The following PTPRT variants were observed in gnomAD, a reference collection of about 807,000 sequenced individuals.
PTPRT encodes protein tyrosine phosphatase receptor type T, also known as receptor-type tyrosine-protein phosphatase T.
PTPRT carries 56 observed loss-of-function variants against 176.8 expected under a neutral mutation model. The observed-to-expected ratio is 0.32, with a 90% CI of 0.26 to 0.40. PTPRT has a LOEUF of 0.40. Ranked by LOEUF, PTPRT falls within the 10% of genes least tolerant of loss-of-function variation. The pLI is 1.00. For synonymous variants in PTPRT, 783 were observed against 739.0 expected (o/e 1.06, Z -0.96); for missense variants, 1,540 against 1,908.2 (o/e 0.81, Z 3.60).
At chr20:42,254,932 T>C (rs1010003984) in intron 13 of PTPRT, among the ~76,000 whole-genome samples, 5 of 152,178 alleles carry the variant, frequency 3.3e-5, no homozygotes, top group African/African-American at 9.7e-5. Context: ...GTAATACTCA[T>C]ACTCTTGGTG....
intron 1 of PTPRT, among the ~76,000 whole-genome samples, chr20:42,922,609 C>G (rs552702386): frequency 2.0e-4 from 30 of 152,278 alleles, no homozygotes; most frequent in African/African-American, 6.0e-4. Context: ...TTAGTCTTGC[C>G]CACACCACTA....
At chr20:43,156,273 T>C (rs564420549) in intron 1 of PTPRT, among the ~76,000 whole-genome samples, 43 of 152,208 alleles carry the variant, frequency 2.8e-4, no homozygotes, top group Non-Finnish European at 4.4e-4. Flanking sequence ...TAACAGAACC[T>C]CAGAATTAGG....
At chr20:42,679,859 T>A (rs1402293475) in intron 6 of PTPRT, among the ~76,000 whole-genome samples, 2 of 152,208 alleles carry the variant, frequency 1.3e-5, no homozygotes, top group Non-Finnish European at 2.9e-5. Context: ...AATGCTGCAA[T>A]GAACATCTTT....
At chr20:43,117,481 T>C (rs769121796) in intron 1 of PTPRT, among the ~76,000 whole-genome samples, 3 of 152,042 alleles carry the variant, frequency 2.0e-5, no homozygotes, top group African/African-American at 4.8e-5. Flanking sequence ...CAGTGTGACA[T>C]ACTCAAAAGA....
At chr20:42,422,676 G>C (rs1218453741) in intron 9 of PTPRT, among the ~76,000 whole-genome samples, 1 of 152,150 alleles carries the variant, frequency 6.6e-6, no homozygotes, top group South Asian at 2.1e-4. Context: ...AATACCATTC[G>C]ACCCAGCAAT....
intron 15 of PTPRT, among the ~76,000 whole-genome samples, chr20:42,204,135 T>A (rs6072654): frequency 6.6e-6 from 1 of 152,082 alleles, no homozygotes; most frequent in African/African-American, 2.4e-5. Flanking sequence ...AACGCCTGCA[T>A]AAAATTAGCT....
chr20:42,197,085 A>T (rs376364145), intron 16 of PTPRT, among the ~76,000 whole-genome samples: 2 of 152,152 alleles, frequency 1.3e-5, no homozygotes, highest in Non-Finnish European at 2.9e-5. Flanking sequence ...CCTAGACTTT[A>T]AAAAAATGTC....
chr20:42,552,370 C>T (rs961896327), intron 7 of PTPRT, among the ~76,000 whole-genome samples: 3 of 152,024 alleles, frequency 2.0e-5, no homozygotes, highest in Admixed American at 1.3e-4. Context: ...ATCTAAAGAT[C>T]GATCAATGCA....
chr20:42,256,543 T>C (rs529555755), intron 13 of PTPRT, among the ~76,000 whole-genome samples: 39 of 151,208 alleles, frequency 2.6e-4, no homozygotes, highest in Admixed American at 3.9e-4. Flanking sequence ...GCTAGTGTGA[T>C]GTTGATACAG....
intron 1 of PTPRT, among the ~76,000 whole-genome samples, chr20:42,890,901 C>G (rs2145884828): frequency 6.6e-6 from 1 of 152,294 alleles, no homozygotes; most frequent in South Asian, 2.1e-4. Context: ...TTCCCCCATA[C>G]TGTTCTCCTG....
At chr20:42,036,752 A>G in the PTPRT span, among the ~76,000 whole-genome samples, 2 of 152,226 alleles carry the variant, frequency 1.3e-5, no homozygotes, top group African/African-American at 4.8e-5. Context: ...AGTCAGAGCC[A>G]GGCATAAGTA....
intron 2 of PTPRT, among the ~76,000 whole-genome samples, chr20:42,873,474 A>G (rs1422601072): frequency 6.6e-6 from 1 of 152,224 alleles, no homozygotes; most frequent in Admixed American, 6.5e-5. Context: ...GACGTCATAA[A>G]AATCTAATAA....
chr20:42,864,130 G>T (rs1253452939), intron 2 of PTPRT, among the ~76,000 whole-genome samples: 1 of 152,224 alleles, frequency 6.6e-6, no homozygotes, highest in Non-Finnish European at 1.5e-5. Flanking sequence ...CCCTGTGTGG[G>T]CGTTTCTGCC....
intron 1 of PTPRT, among the ~76,000 whole-genome samples, chr20:43,003,123 T>A (rs2146133909): frequency 6.6e-6 from 1 of 152,256 alleles, no homozygotes; most frequent in South Asian, 2.1e-4. Flanking sequence ...AATATATATA[T>A]CTTTCAAAAG....
intron 4 of PTPRT, among the ~76,000 whole-genome samples, chr20:42,775,780 G>A (rs1019891209): frequency 1.3e-5 from 2 of 152,192 alleles, no homozygotes; most frequent in Non-Finnish European, 1.5e-5. Flanking sequence ...ATCACTTATT[G>A]ATAAACTCTG....
intron 9 of PTPRT, among the ~76,000 whole-genome samples, chr20:42,427,694 A>C (rs2059178050): frequency 6.6e-6 from 1 of 152,194 alleles, no homozygotes; most frequent in Non-Finnish European, 1.5e-5. Context: ...AGGCCATCGC[A>C]TCCCCTGTGA....
chr20:42,994,791 C>T (rs1344450975), intron 1 of PTPRT, among the ~76,000 whole-genome samples: 1 of 152,212 alleles, frequency 6.6e-6, no homozygotes, highest in East Asian at 1.9e-4. Context: ...GGAGCACATG[C>T]ACTTTCTCAT....
chr20:42,757,168 TAAG>T (rs1422173633), intron 5 of PTPRT, among the ~76,000 whole-genome samples: 1 of 151,902 alleles, frequency 6.6e-6, no homozygotes, highest in African/African-American at 2.4e-5. Flanking sequence ...GGCCTGGTGG[TAAG>T]AAGAGAGGAA....
chr20:42,499,886 T>A (rs1421749750), intron 7 of PTPRT, among the ~76,000 whole-genome samples: 1 of 152,198 alleles, frequency 6.6e-6, no homozygotes, highest in Non-Finnish European at 1.5e-5. Flanking sequence ...ATCATTTTAG[T>A]TAGATTCATT....
Sources: allele counts gnomAD v4.1 joint callset (sites outside exome capture counted in the v4.1 genomes callset), GRCh38; gene constraint gnomAD v4.1.1; transcripts MANE v1.5; gene names NCBI Gene and HGNC (gene_info 2026-07-23, HGNC 2026-07-21).